ARHGAP4: variants seen among roughly 807,000 people sequenced by gnomAD.
ARHGAP4 encodes rho GTPase-activating protein 4.
A neutral mutation model predicts 67.6 loss-of-function variants in ARHGAP4; 25 were observed. That is an observed-to-expected ratio of 0.37 (90% CI 0.27 to 0.52). ARHGAP4 has a LOEUF of 0.52. Among genes scored for constraint, ARHGAP4 ranks in the 20% least tolerant of loss-of-function variants. The pLI is 0.92. For synonymous variants in ARHGAP4, 448 were observed against 373.7 expected, an observed-to-expected ratio of 1.20 and a Z score of -2.29; for missense variants, 804 against 854.6, an observed-to-expected ratio of 0.94 and a Z score of 0.74.
Position 153,918,842 on chromosome X carries a change from T to C in ARHGAP4, c.1022A>G (p.Asp341Gly). Residue 341 changes from aspartate to glycine, a missense_variant, in exon 7 of 22, where the codon GAT becomes GGT. Around this residue, in one of 2 missense-constraint regions of ARHGAP4, gnomAD observed 404 missense variants for 505.9 expected, o/e 0.80. Transcript: ENST00000350060. ...PPLRFDYHPHDGDEVAEICVE... is the reference protein window; with the variant it reads ...PPLRFDYHPHGGDEVAEICVE... ...GGGGGTGACCCTCACCTCATCCCCA[T>C]CATGGGGGTGGTAGTCAAAGCGCAG... is the stretch of plus-strand genomic sequence containing the variant. 1 of 1,211,788 alleles carries C rather than the reference T, an allele frequency of 8.3e-7. No individual in the cohort carries two copies. The highest frequency in any genetic ancestry group is 1.1e-6 in the Non-Finnish European group (1 of 895,277).
At chrX:153,922,401 G>A in intron 1 of ARHGAP4, 1 of 754,444 alleles carries the variant, frequency 1.3e-6, no homozygotes, top group Non-Finnish European at 1.6e-6. Flanking sequence ...CCTTGTAAGT[G>A]AAAGAATGGG....
rs782311920 is a variant in ARHGAP4 at position 153,913,478 on chromosome X, T to C, written c.1257A>G (p.Ser419=). 3.3e-6 allele frequency: 4 copies of C among 1,212,012 alleles called. No homozygotes were observed. Among genetic ancestry groups the C allele is most frequent in the Non-Finnish European group, 4.5e-6 (4 of 895,541 alleles). Residue 419 remains serine, a synonymous_variant, in exon 9 of 22, where the codon TCA becomes TCG. Coordinates refer to ENST00000350060, the MANE Select transcript of ARHGAP4 (RefSeq NM_001666.5). ...GGCCCGCCTGCCGGCTGCCTGGGTC[T>C]GAGCTGGTGGACTTGAGGGACTCGG... ...PSTESLKSTS[S]DPGSRQAGRR...
At chrX:153,911,099 G>A in intron 13 of ARHGAP4, 30 bp downstream of exon 13, 2 of 1,165,263 alleles carry the variant, frequency 1.7e-6, no homozygotes, top group Non-Finnish European at 2.3e-6. Flanking sequence ...CTGGGTGCCA[G>A]GACATCGGGA....
intron 7 of ARHGAP4, among the ~76,000 whole-genome samples, chrX:153,914,482 A>G (rs4898460): frequency 0.57 from 63,329 of 110,676 alleles, 14,933 homozygotes; most frequent in African/African-American, 0.91. Context: ...GATTATCTGA[A>G]CTCAGGAGTT....
rs1200906237 is a variant in ARHGAP4 at position 153,908,971 on chromosome X, C to T, written c.2607+99G>A. 22 of 909,406 alleles carry T rather than the reference C, an allele frequency of 2.4e-5. 1 individual carries two copies. The Admixed American group carries it at 5.3e-4, about 22-fold the overall frequency. 74.9% of individuals were successfully genotyped at this position (909,406 alleles called of 1,213,427 possible). A position where few individuals can be genotyped will look rare whatever the true frequency, so the allele number is the denominator to read the frequency against. On this transcript the variant is annotated intron_variant, in intron 21 of 21. Transcript: ENST00000350060. ...TCCCTTGAGCTAAGGCCAGGGAGGG[C>T]AACGACTGGAACCTCGAGGAGGGAG...
chrX:153,924,796 A>C (rs2065117034), intron 1 of ARHGAP4, among the ~76,000 whole-genome samples: 1 of 112,083 alleles, frequency 8.9e-6, no homozygotes, highest in African/African-American at 3.2e-5. Flanking sequence ...CCCGGGCCCC[A>C]CCAGCACTTC....
In ARHGAP4 at chrX:153,909,960, G is replaced by C. The variant is rs374676468; in HGVS notation, c.2231-36C>G. ...GAGGGGGTCCAAGCTGTGGGAGGGG[G>C]TGTGGACACTAGGGTGGGGACAGGG... On this transcript the variant is annotated intron_variant, in intron 18 of 21. Transcript: ENST00000350060. 3.3e-6 allele frequency: 4 copies of C among 1,208,620 alleles called. No homozygotes were observed. In the African/African-American group the frequency reaches 5.2e-5, roughly 16 times the overall value.
intron 6 of ARHGAP4, 40 bp downstream of exon 6, chrX:153,919,115 G>A: frequency 8.3e-7 from 1 of 1,210,698 alleles, no homozygotes; most frequent in Non-Finnish European, 1.1e-6. Flanking sequence ...CAGCCCCGAG[G>A]CACCAGGCAC....
intron 1 of ARHGAP4, among the ~76,000 whole-genome samples, chrX:153,924,599 A>T (rs367859377): frequency 8.9e-6 from 1 of 111,841 alleles, no homozygotes; most frequent in Non-Finnish European, 1.9e-5. Context: ...CGCCATTTGA[A>T]ATCAGGGGAG....
intron 1 of ARHGAP4, 86 bp from the exon 2 acceptor site, chrX:153,921,895 C>T: frequency 1.9e-6 from 2 of 1,043,893 alleles, no homozygotes; most frequent in Non-Finnish European, 2.6e-6. Flanking sequence ...GGCAGAGGCA[C>T]ACAGACCCCA....
chrX:153,919,475 G>C, intron 5 of ARHGAP4, 192 bp from the exon 6 acceptor site: 1 of 1,115,961 alleles, frequency 9.0e-7, no homozygotes, highest in Non-Finnish European at 1.2e-6. Flanking sequence ...GAGGTGACTT[G>C]ATTCCCCGGC....
intron 4 of ARHGAP4, 49 bp downstream of exon 4, chrX:153,921,048 A>T (rs1557105173): frequency 1.7e-6 from 2 of 1,167,154 alleles, no homozygotes; most frequent in South Asian, 1.9e-5. Context: ...TGTGAGTGGC[A>T]TTTCTCCCTG....
intron 1 of ARHGAP4, among the ~76,000 whole-genome samples, chrX:153,925,152 G>A (rs2065118892): frequency 8.9e-6 from 1 of 112,219 alleles, no homozygotes; most frequent in South Asian, 3.7e-4. Context: ...TTGGAAAGCT[G>A]GCTCACCCTG....
intron 10 of ARHGAP4, 26 bp downstream of exon 10, chrX:153,913,191 CG>C: frequency 2.6e-6 from 3 of 1,164,731 alleles, no homozygotes; most frequent in Non-Finnish European, 3.4e-6. Context: ...AGGGGAGAGG[CG>C]GGGAAGGGGG....
Position 153,909,827 on chromosome X carries a change from G to A in ARHGAP4, c.2328C>T (p.His776=), listed in dbSNP as rs1442737671. ...GCCACCAGTCGCTCGAGGCCCTCTC[G>A]TGCAGCCGCAGTACGTCCCCCCGCC... ...SFRRGDVLRL[H]ERASSDWWRG... is the part of the protein sequence containing the mutation. Residue 776 remains histidine, a synonymous_variant, in exon 19 of 22, where the codon CAC becomes CAT. Coordinates refer to ENST00000350060, the MANE Select transcript of ARHGAP4 (RefSeq NM_001666.5). 14 of 1,200,392 alleles carry A rather than the reference G, an allele frequency of 1.2e-5. No individual in the cohort carries two copies. In the African/African-American group the frequency reaches 1.4e-4, roughly 12 times the overall value.
intron 7 of ARHGAP4, 66 bp downstream of exon 7, chrX:153,918,766 C>T: frequency 1.4e-5 from 15 of 1,093,613 alleles, no homozygotes; most frequent in Non-Finnish European, 1.9e-5. Flanking sequence ...TGGGTCATGC[C>T]ACTCCACTGC....
At chrX:153,916,928 T>C (rs892942470) in intron 7 of ARHGAP4, among the ~76,000 whole-genome samples, 4 of 108,048 alleles carry the variant, frequency 3.7e-5, no homozygotes, top group African/African-American at 6.8e-5. Flanking sequence ...AAAATAAAAA[T>C]AAAAGGGTCG....
chrX:153,913,678 G>A (rs1268904367), intron 8 of ARHGAP4, 78 bp from the exon 9 acceptor site: 2 of 1,165,477 alleles, frequency 1.7e-6, no homozygotes, highest in Non-Finnish European at 2.3e-6. Flanking sequence ...AGAAGGAAGG[G>A]GCCAAAGGGA....
At chrX:153,918,548 G>A (rs1420166120) in intron 7 of ARHGAP4, among the ~76,000 whole-genome samples, 2 of 112,855 alleles carry the variant, frequency 1.8e-5, no homozygotes, top group African/African-American at 6.4e-5. Context: ...TTTGTGTCAC[G>A]AAATTTAAAA....
Sources: allele counts gnomAD v4.1 joint callset (sites outside exome capture counted in the v4.1 genomes callset), GRCh38; gene constraint gnomAD v4.1.1; regional missense constraint gnomAD v4.1.1; transcripts MANE v1.5; gene names NCBI Gene and HGNC (gene_info 2026-07-23, HGNC 2026-07-21).